Variants in NCOR1 observed in about 807,000 individuals in gnomAD.
The protein encoded by NCOR1 is protein phosphatase 1, regulatory subunit 109.
NCOR1 carries 63 observed loss-of-function variants against 288.1 expected under a neutral mutation model. That is an observed-to-expected ratio of 0.22 (90% CI 0.18 to 0.27). NCOR1 has a LOEUF of 0.27. Among genes scored for constraint, NCOR1 ranks in the 10% least tolerant of loss-of-function variants. The pLI is 1.00. For missense variants in NCOR1, 2,397 were observed against 3,019.2 expected, an observed-to-expected ratio of 0.79 and a Z score of 4.83; for synonymous variants, 1,007 against 1,065.9, an observed-to-expected ratio of 0.94 and a Z score of 1.08.
chr17:16,050,425 G>A (rs1477394123), intron 40 of NCOR1, among the ~76,000 whole-genome samples: 2 of 151,906 alleles, frequency 1.3e-5, no homozygotes, highest in Admixed American at 6.6e-5. Flanking sequence ...GATTCACCAT[G>A]TTGGCCAGAA....
chr17:16,167,768 G>A (rs1018415501), intron 4 of NCOR1, among the ~76,000 whole-genome samples: 28 of 145,086 alleles, frequency 1.9e-4, no homozygotes, highest in Admixed American at 5.1e-4. Context: ...GCTGAGGCAG[G>A]AGAATGGCTT....
At chr17:16,053,466 T>G (rs1340459909) in intron 40 of NCOR1, among the ~76,000 whole-genome samples, 1 of 151,828 alleles carries the variant, frequency 6.6e-6, no homozygotes, top group African/African-American at 2.4e-5. Context: ...ATAAAATACC[T>G]AGGAATACAG....
At chr17:16,167,980 T>G (rs2082350231) in intron 4 of NCOR1, among the ~76,000 whole-genome samples, 1 of 151,562 alleles carries the variant, frequency 6.6e-6, no homozygotes, top group South Asian at 2.1e-4. Context: ...ACATGCACTC[T>G]AACAACTCAA....
At chr17:16,147,966 CG>C (rs2078253100) in intron 9 of NCOR1, among the ~76,000 whole-genome samples, 1 of 152,164 alleles carries the variant, frequency 6.6e-6, no homozygotes, top group Non-Finnish European at 1.5e-5. Context: ...TACAAGCATG[CG>C]CCACCACGCC....
intron 1 of NCOR1, among the ~76,000 whole-genome samples, chr17:16,201,954 C>T (rs1391820810): frequency 2.0e-5 from 3 of 152,044 alleles, no homozygotes; most frequent in African/African-American, 7.2e-5. Context: ...CGGCTGGGCG[C>T]GGTGGCTCAC....
chr17:16,048,302 C>G (rs1469092789), intron 41 of NCOR1, among the ~76,000 whole-genome samples: 2 of 152,148 alleles, frequency 1.3e-5, no homozygotes, highest in Non-Finnish European at 2.9e-5. Flanking sequence ...CAGCATACAC[C>G]TGGTCATGCC....
At chr17:16,129,199 T>C (rs1444086752) in intron 14 of NCOR1, among the ~76,000 whole-genome samples, 3 of 152,158 alleles carry the variant, frequency 2.0e-5, no homozygotes, top group Non-Finnish European at 2.9e-5. Context: ...AAAATCACAA[T>C]TGCCTCCTCA....
chr17:16,053,433 G>A (rs899857748), intron 40 of NCOR1, among the ~76,000 whole-genome samples: 10 of 151,980 alleles, frequency 6.6e-5, no homozygotes, highest in Admixed American at 2.6e-4. Flanking sequence ...AATGCAATTC[G>A]ATTCACAACT....
chr17:16,107,485 T>A (rs994553755), intron 19 of NCOR1, among the ~76,000 whole-genome samples: 1 of 152,076 alleles, frequency 6.6e-6, no homozygotes, highest in African/African-American at 2.4e-5. Flanking sequence ...ACAGCCCTCA[T>A]CAGAAAGCAA....
At chr17:16,179,019 T>C (rs929614021) in intron 3 of NCOR1, among the ~76,000 whole-genome samples, 4 of 151,966 alleles carry the variant, frequency 2.6e-5, no homozygotes, top group Admixed American at 2.0e-4. Context: ...AGAAGAATCG[T>C]TTGAACATGA....
chr17:16,193,779 T>C (rs918549128), intron 2 of NCOR1, among the ~76,000 whole-genome samples: 6 of 152,126 alleles, frequency 3.9e-5, no homozygotes, highest in African/African-American at 1.4e-4. Context: ...AGAATGTCCA[T>C]TCTAACTCTG....
intron 18 of NCOR1, among the ~76,000 whole-genome samples, chr17:16,112,696 G>A (rs1213897551): frequency 6.6e-6 from 1 of 151,902 alleles, no homozygotes; most frequent in Non-Finnish European, 1.5e-5. Flanking sequence ...TCACCACGTT[G>A]GCCAGGATGG....
intron 40 of NCOR1, among the ~76,000 whole-genome samples, chr17:16,053,694 T>C (rs921492931): frequency 2.0e-5 from 3 of 152,042 alleles, no homozygotes; most frequent in African/African-American, 7.3e-5. Context: ...AAAAAACTAT[T>C]TTAAAATTAA....
At position 16,040,502 on chromosome 17, in the gene NCOR1, T is replaced by C. The variant is rs1237151225; in HGVS notation, c.6680-8A>G. On this transcript the variant is annotated splice_region_variant and splice_polypyrimidine_tract_variant and intron_variant, in intron 42 of 45. Transcript: ENST00000268712. ...TTCCTGGCTGAGCAGCTGCTATATTTAAGCAAACATTCAAGTTAATTAAGA... is the reference window on the plus strand; with the variant it reads ...TTCCTGGCTGAGCAGCTGCTATATTCAAGCAAACATTCAAGTTAATTAAGA... 5 of 1,612,472 alleles carry C rather than the reference T, an allele frequency of 3.1e-6. No individual in the cohort carries two copies. In the Admixed American group the frequency reaches 5.0e-5, roughly 16 times the overall value.
chr17:16,097,126 A>G (rs2066774809), intron 21 of NCOR1, among the ~76,000 whole-genome samples: 1 of 152,248 alleles, frequency 6.6e-6, no homozygotes, highest in Non-Finnish European at 1.5e-5. Flanking sequence ...CCAAATCCTT[A>G]GAATTTCCAG....
intron 23 of NCOR1, among the ~76,000 whole-genome samples, chr17:16,082,189 C>T (rs1472543730): frequency 6.6e-6 from 1 of 151,400 alleles, no homozygotes; most frequent in African/African-American, 2.4e-5. Context: ...AAACAACAAG[C>T]TCTGAAAAGA....
intron 30 of NCOR1, among the ~76,000 whole-genome samples, chr17:16,070,889 C>T (rs534856374): frequency 1.3e-5 from 2 of 151,942 alleles, no homozygotes; most frequent in Admixed American, 6.6e-5. Context: ...ATTAGCCAGG[C>T]GTGGTGGCAG....
At chr17:16,195,795 T>C (rs2089649229) in intron 1 of NCOR1, among the ~76,000 whole-genome samples, 1 of 152,206 alleles carries the variant, frequency 6.6e-6, no homozygotes, top group Non-Finnish European at 1.5e-5. Flanking sequence ...GACTGACTAA[T>C]GGGAGAACAG....
intron 17 of NCOR1, among the ~76,000 whole-genome samples, chr17:16,119,100 G>T (rs1435911069): frequency 7.2e-5 from 11 of 152,158 alleles, no homozygotes; most frequent in African/African-American, 2.4e-5. Flanking sequence ...ATTCATTCCA[G>T]AACAATTTCA....
Sources: gnomAD v4.1 joint callset for allele counts (sites outside exome capture counted in the v4.1 genomes callset) on GRCh38, gnomAD v4.1.1 for gene constraint, MANE v1.5 for transcripts, NCBI Gene and HGNC (gene_info 2026-07-23, HGNC 2026-07-21) for gene names.